Variants in GALNTL6 observed in about 807,000 individuals in gnomAD.
GALNTL6 encodes the protein polypeptide N-acetylgalactosaminyltransferase-like 6.
In GALNTL6, 46 loss-of-function variants were observed where a neutral mutation model predicts 73.7. That is an observed-to-expected ratio of 0.62 (90% CI 0.49 to 0.80). The LOEUF (loss-of-function observed/expected upper bound fraction) is 0.80. GALNTL6 is among the 30% of genes least tolerant of loss of function. GALNTL6 has a pLI of 0.00. For missense variants in GALNTL6, 604 were observed against 755.0 expected (o/e 0.80, Z 2.34); for synonymous variants, 259 against 263.7 (o/e 0.98, Z 0.17).
At position 172,962,803 on chromosome 4, in the gene GALNTL6, A is replaced by AGCTGTAACTTT. The variant is rs1371348915; in HGVS notation, c.1371+10546_1371+10547insCTGTAACTTTG. Among the ~76,000 whole-genome samples the AGCTGTAACTTT allele has an allele frequency of 8.0e-4, 122 of 152,236 alleles. 1 individual carries two copies. Among genetic ancestry groups the AGCTGTAACTTT allele is most frequent in the East Asian group, 7.7e-3 (40 of 5,166 alleles). ...CTGGTACTTGGAACTCAGCTTGTAA[A>AGCTGTAACTTT]GGATATGTTACAGACCATAAACAGC... On this transcript the variant is annotated intron_variant, in intron 10 of 12. Coordinates refer to ENST00000506823, the MANE Select transcript of GALNTL6 (RefSeq NM_001034845.3).
At chr4:171,846,939 T>C (rs1403281329) in intron 2 of GALNTL6, among the ~76,000 whole-genome samples, 2 of 145,134 alleles carry the variant, frequency 1.4e-5, no homozygotes, top group African/African-American at 5.0e-5. Context: ...TATATATACA[T>C]ATAATTATAT....
intron 5 of GALNTL6, among the ~76,000 whole-genome samples, chr4:172,723,916 TGA>T (rs1735644691): frequency 2.0e-5 from 3 of 152,156 alleles, no homozygotes; most frequent in Non-Finnish European, 4.4e-5. Flanking sequence ...TTCACTGATA[TGA>T]TATATCAGTG....
At chr4:172,375,221 G>A (rs1294904725) in intron 5 of GALNTL6, among the ~76,000 whole-genome samples, 1 of 152,130 alleles carries the variant, frequency 6.6e-6, no homozygotes, top group East Asian at 1.9e-4. Context: ...AAGAAAGCTT[G>A]GACATAAGGC....
rs35184907 is a variant in GALNTL6, at chr4:172,426,916, T to TTATA, written c.553+78245_553+78248dup. On this transcript the variant is annotated intron_variant, in intron 5 of 12. Coordinates refer to ENST00000506823, the MANE Select transcript of GALNTL6 (RefSeq NM_001034845.3). ...CTAGCCAATTCTTATGTAAGGACTCTTATATATATATATATATATATCCAA... is the reference window on the plus strand; with the variant it reads ...CTAGCCAATTCTTATGTAAGGACTCTTATATATATATATATATATATATATCCAA... Among the ~76,000 whole-genome samples the TTATA allele has an allele frequency of 2.6e-3, 393 of 149,458 alleles. 1 individual carries two copies. Among genetic ancestry groups the TTATA allele is most frequent in the African/African-American group, 9.1e-3 (369 of 40,592 alleles).
intron 5 of GALNTL6, among the ~76,000 whole-genome samples, chr4:172,778,552 C>T (rs1739198781): frequency 6.6e-6 from 1 of 152,104 alleles, no homozygotes; most frequent in Admixed American, 6.5e-5. Context: ...GAAGCAGACC[C>T]CACAAAGAAC....
intron 9 of GALNTL6, among the ~76,000 whole-genome samples, chr4:172,945,233 A>C (rs1283571358): frequency 6.6e-6 from 1 of 152,204 alleles, no homozygotes; most frequent in African/African-American, 2.4e-5. Flanking sequence ...ACTATAGTGA[A>C]AAAAAGTACA....
At chr4:172,527,248 T>C (rs338047) in intron 5 of GALNTL6, among the ~76,000 whole-genome samples, 120,131 of 152,100 alleles carry the variant, frequency 0.79, 47,788 homozygotes, top group East Asian at 1. Context: ...TGGTGATACA[T>C]CTCATATAGA....
At chr4:172,828,297 C>CAAAA (rs1742389574) in intron 7 of GALNTL6, among the ~76,000 whole-genome samples, 1 of 145,934 alleles carries the variant, frequency 6.9e-6, no homozygotes, top group Non-Finnish European at 1.5e-5. Context: ...AAGAAACAAA[C>CAAAA]AAAAAAAACA....
At chr4:172,948,328 A>G (rs558882677) in intron 9 of GALNTL6, among the ~76,000 whole-genome samples, 1 of 152,332 alleles carries the variant, frequency 6.6e-6, no homozygotes, top group East Asian at 1.9e-4. Context: ...TTGTAAAACT[A>G]CAGAAAAGGA....
intron 2 of GALNTL6, among the ~76,000 whole-genome samples, chr4:172,203,347 A>G (rs917830977): frequency 3.9e-5 from 6 of 152,224 alleles, no homozygotes; most frequent in African/African-American, 1.2e-4. Context: ...AGGTAAAAAT[A>G]CTTGTCAAAT....
intron 2 of GALNTL6, among the ~76,000 whole-genome samples, chr4:171,919,855 C>T (rs1737732303): frequency 6.6e-6 from 1 of 152,094 alleles, no homozygotes; most frequent in East Asian, 1.9e-4. Flanking sequence ...GTGGCAATTC[C>T]TCAGGGATCT....
At chr4:172,108,766 C>T (rs567503684) in intron 2 of GALNTL6, among the ~76,000 whole-genome samples, 65 of 152,104 alleles carry the variant, frequency 4.3e-4, no homozygotes, top group Non-Finnish European at 1.5e-4. Flanking sequence ...CATCCCAGCA[C>T]TTTGGGAGGC....
chr4:172,350,168 A>G (rs1741893298), intron 5 of GALNTL6, among the ~76,000 whole-genome samples: 1 of 148,706 alleles, frequency 6.7e-6, no homozygotes, highest in African/African-American at 2.5e-5. Flanking sequence ...TTTGTGATTG[A>G]CTGGTACTAG....
intron 10 of GALNTL6, among the ~76,000 whole-genome samples, chr4:172,982,913 T>C (rs970524193): frequency 6.6e-6 from 1 of 152,042 alleles, no homozygotes; most frequent in Non-Finnish European, 1.5e-5. Flanking sequence ...TTCTCACTCA[T>C]AAGTAGGTGC....
intron 2 of GALNTL6, among the ~76,000 whole-genome samples, chr4:171,917,611 C>T (rs6849872): frequency 0.011 from 1,654 of 152,212 alleles, 30 homozygotes; most frequent in African/African-American, 0.038. Flanking sequence ...CTTCCACCAA[C>T]AAACAGCTTT....
intron 7 of GALNTL6, among the ~76,000 whole-genome samples, chr4:172,816,444 A>T (rs1466188343): frequency 2.6e-5 from 4 of 152,180 alleles, no homozygotes; most frequent in African/African-American, 9.6e-5. Context: ...AATTAATTGG[A>T]TTGAATTCAA....
intron 2 of GALNTL6, among the ~76,000 whole-genome samples, chr4:172,037,800 A>G (rs1741973227): frequency 6.6e-6 from 1 of 152,174 alleles, no homozygotes; most frequent in African/African-American, 2.4e-5. Context: ...TCTGAAAGTA[A>G]CCACCAATAA....
intron 5 of GALNTL6, among the ~76,000 whole-genome samples, chr4:172,620,721 G>A (rs1738921821): frequency 6.6e-6 from 1 of 152,058 alleles, no homozygotes; most frequent in South Asian, 2.1e-4. Context: ...TTGCAGAGAG[G>A]GTCTGTCCCA....
At chr4:172,833,603 C>A (rs1194862466) in intron 7 of GALNTL6, among the ~76,000 whole-genome samples, 1 of 152,154 alleles carries the variant, frequency 6.6e-6, no homozygotes, top group Non-Finnish European at 1.5e-5. Flanking sequence ...GCTGATTTGA[C>A]CAAATACCCA....
Sources: allele counts gnomAD v4.1 joint callset (sites outside exome capture counted in the v4.1 genomes callset), GRCh38; gene constraint gnomAD v4.1.1; transcripts MANE v1.5; gene names NCBI Gene and HGNC (gene_info 2026-07-23, HGNC 2026-07-21).